The following TTC17 variants were observed in gnomAD, a reference collection of about 807,000 sequenced individuals.
TTC17 encodes tetratricopeptide repeat protein 17.
Under a neutral mutation model 143.8 loss-of-function variants are expected in TTC17, and 58 were observed. The observed-to-expected ratio is 0.40, with a 90% CI of 0.33 to 0.50. TTC17 has a LOEUF of 0.50. Ranked by LOEUF, TTC17 falls within the 20% of genes least tolerant of loss-of-function variation. The pLI is 0.49. For missense variants in TTC17, 1,273 were observed against 1,392.5 expected, an observed-to-expected ratio of 0.91 and a Z score of 1.37; for synonymous variants, 501 against 497.8, an observed-to-expected ratio of 1.01 and a Z score of -0.09.
At chr11:43,391,402 A>G in intron 3 of TTC17, 63 bp from the exon 4 acceptor site, 3 of 1,121,334 alleles carry the variant, frequency 2.7e-6, no homozygotes, top group Admixed American at 2.0e-5. Context: ...CTTTCTCTAA[A>G]TAAATAAATA....
rs539995387 is a variant in TTC17, at chr11:43,483,596, A to C, written c.3031-6643A>C. ...TCTAGGAAAACGCAAAATTTGAGTCACCAAATTAAAGGAAAAAAACTATGA... is the reference window on the plus strand; with the variant it reads ...TCTAGGAAAACGCAAAATTTGAGTCCCCAAATTAAAGGAAAAAAACTATGA... On this transcript the variant is annotated intron_variant, in intron 21 of 23. Coordinates refer to ENST00000039989, the MANE Select transcript of TTC17 (RefSeq NM_018259.6). Among the ~76,000 whole-genome samples, 10 of 152,300 alleles carry C rather than the reference A, an allele frequency of 6.6e-5. No homozygotes were observed. The South Asian group carries it at 2.1e-3, about 32-fold the overall frequency.
At chr11:43,459,843 T>C (rs1332026837) in intron 21 of TTC17, among the ~76,000 whole-genome samples, 2 of 152,246 alleles carry the variant, frequency 1.3e-5, no homozygotes, top group Non-Finnish European at 1.5e-5. Context: ...CACTTCATTA[T>C]AAAATAGGCT....
At position 43,396,801 on chromosome 11, in the gene TTC17, A is replaced by C. The variant is rs1857609989; in HGVS notation, c.756A>C (p.Ala252=). The C allele has an allele frequency of 6.2e-7, 1 of 1,606,264 alleles. No homozygotes were observed. Among genetic ancestry groups the C allele is most frequent in the Non-Finnish European group, 8.5e-7 (1 of 1,174,560 alleles). ...AGGTAGTAGAATGTGCCATGCGAGC[A>C]CTTCACTTCTCTTCCAGGTAAGATT... ...PYQVVECAMR[A]LHFSSRHNKD... The change falls in exon 6 of 24, where the codon GCA becomes GCC. Residue 252 remains alanine, a synonymous_variant. Transcript: ENST00000039989.
In TTC17 at chr11:43,395,489, A is replaced by C. The variant is rs528353413; in HGVS notation, c.664-1220A>C. On this transcript the variant is annotated intron_variant, in intron 5 of 23. Transcript: ENST00000039989. ...AAAATCAAAATGAAAGCATTTGTTG[A>C]TTTGAAAAACAACTTTCTCAAAAGG... is the stretch of plus-strand genomic sequence containing the variant. 5.9e-5 allele frequency: 9 copies of C among 152,304 alleles called. No individual in the cohort carries two copies. The East Asian group carries it at 1.7e-3, about 29-fold the overall frequency. 9.4% of individuals were successfully genotyped at this position (152,304 alleles called of 1,614,324 possible). A position where few individuals can be genotyped will look rare whatever the true frequency, so the allele number is the denominator to read the frequency against.
At chr11:43,431,997 C>T (rs971256785) in intron 16 of TTC17, among the ~76,000 whole-genome samples, 2 of 152,220 alleles carry the variant, frequency 1.3e-5, no homozygotes, top group Non-Finnish European at 2.9e-5. Context: ...AACCAAAAAG[C>T]ATCCTAAGTT....
At chr11:43,428,438 C>T (rs2134671915) in intron 16 of TTC17, among the ~76,000 whole-genome samples, 1 of 152,278 alleles carries the variant, frequency 6.6e-6, no homozygotes, top group Non-Finnish European at 1.5e-5. Flanking sequence ...TTTCTAGAAG[C>T]ATTTATAACT....
intron 16 of TTC17, among the ~76,000 whole-genome samples, chr11:43,431,339 A>G (rs983195937): frequency 6.6e-6 from 1 of 152,184 alleles, no homozygotes; most frequent in African/African-American, 2.4e-5. Flanking sequence ...ATCCTTGAGG[A>G]ATCACCGCAT....
chr11:43,389,571 C>A, intron 2 of TTC17, 81 bp from the exon 3 acceptor site: 1 of 1,392,512 alleles, frequency 7.2e-7, no homozygotes. Flanking sequence ...ACTTCTTCAG[C>A]TCAGATTCCC....
At chr11:43,429,036 C>A (rs1232061115) in intron 16 of TTC17, among the ~76,000 whole-genome samples, 1 of 152,150 alleles carries the variant, frequency 6.6e-6, no homozygotes, top group African/African-American at 2.4e-5. Flanking sequence ...TATTTCTGTT[C>A]AAATAATTTC....
At chr11:43,467,672 C>A (rs1948003831) in intron 21 of TTC17, among the ~76,000 whole-genome samples, 1 of 152,008 alleles carries the variant, frequency 6.6e-6, no homozygotes, top group Admixed American at 6.6e-5. Flanking sequence ...ACTACAATAA[C>A]AAGTAGAACA....
At chr11:43,405,759 G>T in intron 12 of TTC17, 27 bp from the exon 13 acceptor site, 7 of 1,612,660 alleles carry the variant, frequency 4.3e-6, no homozygotes, top group Non-Finnish European at 5.9e-6. Context: ...TTGAAAATAT[G>T]AATCTTGTTC....
chr11:43,397,281 T>C (rs901362530), intron 6 of TTC17, 66 bp from the exon 7 acceptor site: 3 of 1,540,486 alleles, frequency 1.9e-6, no homozygotes, highest in Non-Finnish European at 2.6e-6. Flanking sequence ...CACAAGTAAC[T>C]TTGAATGTCA....
chr11:43,391,544 C>G lies in TTC17; in HGVS notation c.499C>G (p.Pro167Ala), dbSNP rs770460613. 6 of 1,604,130 alleles carry G rather than the reference C, an allele frequency of 3.7e-6. No individual in the cohort carries two copies. In the Admixed American group the frequency reaches 8.8e-5, roughly 24 times the overall value. ...QPDCTKILEL[P>A]YSIHAFQHLR... Reference sequence around the variant, plus strand: ...TGATTGTACTAAAATTCTAGAACTTCCATATAGTATACATGCTTTTCAGCA... The same window carrying G: ...TGATTGTACTAAAATTCTAGAACTTGCATATAGTATACATGCTTTTCAGCA... Residue 167 changes from proline (P) to alanine (A), a missense_variant, in exon 4 of 24, where the codon CCA (proline) becomes GCA (alanine). By Grantham distance (27) the Pro-to-Ala change is conservative. Around this residue, in one of 3 missense-constraint regions of TTC17, gnomAD observed 325 missense variants for 444.2 expected, o/e 0.73. Transcript: ENST00000039989.
chr11:43,454,678 T>C (rs1322459432), intron 21 of TTC17, among the ~76,000 whole-genome samples: 1 of 151,952 alleles, frequency 6.6e-6, no homozygotes, highest in Non-Finnish European at 1.5e-5. Context: ...AAGTTTATGA[T>C]CTCCATACCT....
chr11:43,422,799 G>A (rs1946937496), intron 16 of TTC17, among the ~76,000 whole-genome samples: 1 of 152,192 alleles, frequency 6.6e-6, no homozygotes, highest in African/African-American at 2.4e-5. Flanking sequence ...GAAAGGAGGT[G>A]AGGAAGTGAG....
chr11:43,440,366 T>A (rs903806130), intron 16 of TTC17, among the ~76,000 whole-genome samples: 12 of 152,236 alleles, frequency 7.9e-5, no homozygotes, highest in African/African-American at 2.9e-4. Flanking sequence ...CCTAACTCCA[T>A]TGTCTTTATA....
chr11:43,455,993 A>G (rs1290371430), intron 21 of TTC17, among the ~76,000 whole-genome samples: 1 of 152,232 alleles, frequency 6.6e-6, no homozygotes, highest in Non-Finnish European at 1.5e-5. Context: ...TTTGAAAAAT[A>G]CATCATGACT....
chr11:43,434,421 C>T (rs1947238913), intron 16 of TTC17, among the ~76,000 whole-genome samples: 1 of 152,126 alleles, frequency 6.6e-6, no homozygotes, highest in Non-Finnish European at 1.5e-5. Flanking sequence ...GGGGGGAAGC[C>T]TAGAAGCCTT....
chr11:43,405,879 G>A lies in TTC17; in HGVS notation c.1689G>A (p.Leu563=). 1.2e-6 allele frequency: 2 copies of A among 1,614,012 alleles called. No individual in the cohort carries two copies. The highest frequency in any genetic ancestry group is 2.2e-5 in the East Asian group (1 of 44,880). The part of the protein sequence containing the change: ...SITDFRKSHT[L]SYLVKELEVR... ...CTGACTTCAGAAAAAGCCACACTCT[G>A]TCCTACTTAGTCAAAGAATTAGAGG... The change falls in exon 13 of 24, where the codon CTG becomes CTA. Residue 563 remains leucine (L), a synonymous_variant. Transcript: ENST00000039989.
Sources: allele counts gnomAD v4.1 joint callset (sites outside exome capture counted in the v4.1 genomes callset), GRCh38; gene constraint gnomAD v4.1.1; regional missense constraint gnomAD v4.1.1; transcripts MANE v1.5; gene names NCBI Gene and HGNC (gene_info 2026-07-23, HGNC 2026-07-21).